IFT57: variants seen among roughly 807,000 people sequenced by gnomAD.
The protein encoded by IFT57 is intraflagellar transport protein 57 homolog.
Under a neutral mutation model 56.8 loss-of-function variants are expected in IFT57, and 59 were observed. That is an observed-to-expected ratio of 1.04 (90% CI 0.84 to 1.29). IFT57 has a LOEUF of 1.29. Ranked by LOEUF, IFT57 falls within the 50% of genes most tolerant of loss-of-function variation. The pLI, the probability that IFT57 is intolerant of heterozygous loss-of-function variation, is 0.00. For missense variants in IFT57, 470 were observed against 522.1 expected, an observed-to-expected ratio of 0.90 and a Z score of 0.97; for synonymous variants, 209 against 186.1, an observed-to-expected ratio of 1.12 and a Z score of -1.00.
chr3:108,165,551 G>T, intron 8 of IFT57, 58 bp from the exon 9 acceptor site: 2 of 1,337,168 alleles, frequency 1.5e-6, no homozygotes, highest in South Asian at 1.2e-5. Flanking sequence ...GATTAAATAC[G>T]ACTGACCTCT....
At chr3:108,184,818 CT>C (rs1416729046) in intron 6 of IFT57, among the ~76,000 whole-genome samples, 2 of 152,118 alleles carry the variant, frequency 1.3e-5, no homozygotes, top group Non-Finnish European at 2.9e-5. Flanking sequence ...AAAGTTATTT[CT>C]TGAGGTTTTC....
At chr3:108,207,476 T>G (rs2080319823) in intron 4 of IFT57, among the ~76,000 whole-genome samples, 1 of 152,146 alleles carries the variant, frequency 6.6e-6, no homozygotes, top group South Asian at 2.1e-4. Flanking sequence ...AACAAGGATA[T>G]TTCAACCTTA....
At chr3:108,209,841 C>T (rs148521815) in intron 4 of IFT57, among the ~76,000 whole-genome samples, 6 of 152,190 alleles carry the variant, frequency 3.9e-5, no homozygotes, top group African/African-American at 9.6e-5. Flanking sequence ...TCTGGGTCTC[C>T]GGCTTGATAG....
At chr3:108,167,453 C>T (rs1474989489) in intron 7 of IFT57, among the ~76,000 whole-genome samples, 2 of 151,760 alleles carry the variant, frequency 1.3e-5, no homozygotes, top group Non-Finnish European at 2.9e-5. Context: ...AGCAAGCCTG[C>T]GGAGGCTGTA....
chr3:108,193,332 A>G (rs535471421), intron 5 of IFT57, among the ~76,000 whole-genome samples: 2 of 152,328 alleles, frequency 1.3e-5, no homozygotes, highest in South Asian at 2.1e-4. Flanking sequence ...CTCCTAGCTC[A>G]TAACAGCAAG....
intron 9 of IFT57, among the ~76,000 whole-genome samples, chr3:108,165,092 G>A (rs1209614401): frequency 1.3e-5 from 2 of 151,910 alleles, no homozygotes; most frequent in Admixed American, 6.6e-5. Context: ...GCAGACTAAC[G>A]TTAAAATTTG....
intron 5 of IFT57, among the ~76,000 whole-genome samples, chr3:108,193,782 T>C (rs1040708131): frequency 9.9e-5 from 15 of 152,188 alleles, no homozygotes; most frequent in African/African-American, 3.6e-4. Context: ...TAGGGAAGGT[T>C]CTCTGCCATG....
chr3:108,201,466 G>C (rs2080278055), intron 5 of IFT57, among the ~76,000 whole-genome samples: 2 of 152,078 alleles, frequency 1.3e-5, no homozygotes, highest in Non-Finnish European at 2.9e-5. Context: ...GGGTGGTAAG[G>C]GTTAGTTACC....
At chr3:108,195,235 A>G (rs1037802135) in intron 5 of IFT57, among the ~76,000 whole-genome samples, 1 of 152,180 alleles carries the variant, frequency 6.6e-6, no homozygotes, top group Non-Finnish European at 1.5e-5. Flanking sequence ...ATCACTAATC[A>G]TTACTAATCA....
At chr3:108,192,348 A>C (rs1227693470) in intron 5 of IFT57, among the ~76,000 whole-genome samples, 1 of 152,124 alleles carries the variant, frequency 6.6e-6, no homozygotes, top group Admixed American at 6.6e-5. Flanking sequence ...ATATAGCTTA[A>C]AGCGTAATTT....
intron 6 of IFT57, among the ~76,000 whole-genome samples, chr3:108,188,287 A>G (rs1174694855): frequency 1.3e-5 from 2 of 152,182 alleles, no homozygotes; most frequent in Admixed American, 1.3e-4. Context: ...CTGAGGCATG[A>G]GAAACTTTTC....
At chr3:108,207,302 G>C (rs1354314529) in intron 4 of IFT57, among the ~76,000 whole-genome samples, 1 of 152,180 alleles carries the variant, frequency 6.6e-6, no homozygotes, top group Non-Finnish European at 1.5e-5. Context: ...ATTGGATGTA[G>C]AGGGCAGGGG....
At chr3:108,162,723 G>T in intron 10 of IFT57, 68 bp from the exon 11 acceptor site, 1 of 1,235,406 alleles carries the variant, frequency 8.1e-7, no homozygotes, top group Non-Finnish European at 1.1e-6. Flanking sequence ...AGAATTGTAT[G>T]ACATTTTCCT....
intron 6 of IFT57, among the ~76,000 whole-genome samples, chr3:108,174,499 CTTTA>C (rs965269469): frequency 7.4e-6 from 1 of 135,800 alleles, no homozygotes; most frequent in Non-Finnish European, 1.7e-5. Flanking sequence ...ATATGACTTC[CTTTA>C]TTTGAGACTC....
chr3:108,167,261 A>G, intron 7 of IFT57: 1 of 303,808 alleles, frequency 3.3e-6, no homozygotes, highest in Non-Finnish European at 6.1e-6. Context: ...TTAGCATTAT[A>G]TAACATTCAC....
chr3:108,161,846 A>C lies in IFT57; in HGVS notation c.*631T>G, dbSNP rs1333174064. 6.6e-6 allele frequency: 1 copy of C among 152,194 alleles called. No homozygotes were observed. Among genetic ancestry groups the C allele is most frequent in the Non-Finnish European group, 1.5e-5 (1 of 68,030 alleles). The allele number at this position is 152,194 out of a possible 1,614,324, so 9.4% of individuals were successfully genotyped here. On this transcript the variant is annotated 3_prime_UTR_variant, in exon 11 of 11. Transcript: ENST00000264538. ...GAACAGAGTCAAACATGAGTGACTG[A>C]CTTATCATCATTCATTTATCCTTTT... is the stretch of plus-strand genomic sequence containing the variant.
At chr3:108,192,040 TG>T (rs1464243895) in intron 5 of IFT57, among the ~76,000 whole-genome samples, 1 of 151,410 alleles carries the variant, frequency 6.6e-6, no homozygotes, top group Non-Finnish European at 1.5e-5. Context: ...GGCATGGTGG[TG>T]GGCGCCTGTA....
At chr3:108,211,411 C>T (rs535009100) in intron 4 of IFT57, among the ~76,000 whole-genome samples, 53 of 152,326 alleles carry the variant, frequency 3.5e-4, no homozygotes, top group Middle Eastern at 3.4e-3. Context: ...TTTTCATGCC[C>T]AAAACAATCT....
intron 6 of IFT57, among the ~76,000 whole-genome samples, chr3:108,175,616 G>T (rs1295228461): frequency 2.0e-5 from 3 of 151,772 alleles, no homozygotes; most frequent in Non-Finnish European, 4.4e-5. Context: ...ACACTTGAAA[G>T]ATTTCCTTTG....
Sources: allele counts gnomAD v4.1 joint callset (sites outside exome capture counted in the v4.1 genomes callset), GRCh38; gene constraint gnomAD v4.1.1; transcripts MANE v1.5; gene names NCBI Gene and HGNC (gene_info 2026-07-23, HGNC 2026-07-21).